Variants in ZBTB7C observed in about 807,000 individuals in gnomAD.
ZBTB7C encodes the protein zinc finger and BTB domain-containing protein 7C.
Under a neutral mutation model 25.7 loss-of-function variants are expected in ZBTB7C, and 8 were observed. The observed-to-expected ratio is 0.31, with a 90% confidence interval of 0.18 to 0.56. ZBTB7C has a LOEUF of 0.56. Among genes scored for constraint, ZBTB7C ranks in the 20% least tolerant of loss-of-function variants. The probability of loss-of-function intolerance (pLI) is 0.91; values close to 1 mark genes in which losing one functional copy is unlikely to be tolerated. For synonymous variants in ZBTB7C, 394 were observed against 369.0 expected, an observed-to-expected ratio of 1.07 and a Z score of -0.78; for missense variants, 824 against 855.2, an observed-to-expected ratio of 0.96 and a Z score of 0.46.
intron 2 of ZBTB7C, among the ~76,000 whole-genome samples, chr18:48,186,778 G>T (rs2145135775): frequency 6.6e-6 from 1 of 152,336 alleles, no homozygotes; most frequent in South Asian, 2.1e-4. Flanking sequence ...GAGTCAGGAA[G>T]TGGGGAGCTC....
chr18:48,081,305 A>G (rs1305863882), intron 3 of ZBTB7C, among the ~76,000 whole-genome samples: 1 of 152,162 alleles, frequency 6.6e-6, no homozygotes, highest in Admixed American at 6.5e-5. Context: ...CCTTGCACTC[A>G]GGTTTTCTGA....
intron 1 of ZBTB7C, among the ~76,000 whole-genome samples, chr18:48,372,461 G>C (rs2047410040): frequency 6.6e-6 from 1 of 152,170 alleles, no homozygotes; most frequent in African/African-American, 2.4e-5. Context: ...GGAGTTAAAA[G>C]CTGATGTGAC....
At chr18:48,372,539 T>G (rs77256596) in intron 1 of ZBTB7C, among the ~76,000 whole-genome samples, 1,579 of 152,290 alleles carry the variant, frequency 0.01, 8 homozygotes, top group Admixed American at 0.015. Context: ...GAAGTAAAAT[T>G]AAACCTTGAC....
At chr18:48,287,373 C>T (rs2045087671) in intron 2 of ZBTB7C, among the ~76,000 whole-genome samples, 1 of 152,072 alleles carries the variant, frequency 6.6e-6, no homozygotes, top group Non-Finnish European at 1.5e-5. Context: ...AACTCTAAGA[C>T]AAATAGAAAA....
chr18:48,182,384 C>T (rs930055897), intron 3 of ZBTB7C, among the ~76,000 whole-genome samples: 2 of 152,174 alleles, frequency 1.3e-5, no homozygotes, highest in African/African-American at 4.8e-5. Flanking sequence ...GGAAAATGTA[C>T]ACTGGCATTG....
rs369185798 is a variant in ZBTB7C, at chr18:48,078,767, C to T, written c.-16-37644G>A. On this transcript the variant is annotated intron_variant, in intron 3 of 4. Transcript: ENST00000590800. The stretch of plus-strand genomic sequence containing the variant: ...GTTCAAGTTAATGATGGACTTTGTC[C>T]TCTTGATCCACAGAGCCCATAAAAT... Among the ~76,000 whole-genome samples, 164 of 152,294 alleles carry T rather than the reference C, an allele frequency of 1.1e-3. 4 individuals carry two copies. In the South Asian group the frequency reaches 0.033, roughly 31 times the overall value.
chr18:48,296,176 C>T (rs1370975780), intron 2 of ZBTB7C, among the ~76,000 whole-genome samples: 1 of 152,202 alleles, frequency 6.6e-6, no homozygotes, highest in Non-Finnish European at 1.5e-5. Flanking sequence ...CTCTCACCAC[C>T]CCCCACCACC....
At position 48,123,841 on chromosome 18, in the gene ZBTB7C, G is replaced by T. The variant is rs1037677885; in HGVS notation, c.-17+62093C>A. On this transcript the variant is annotated intron_variant, in intron 3 of 4. Transcript: ENST00000590800. ...TGATCGTGTATATTTTTATTAATGA[G>T]ATTGTAAACATAAACATGTATATTA... Among the ~76,000 whole-genome samples the T allele has an allele frequency of 3.3e-5, 5 of 152,284 alleles. No homozygotes were observed. In the East Asian group the frequency reaches 5.8e-4, roughly 18 times the overall value.
chr18:48,269,727 A>T (rs1433492633), intron 2 of ZBTB7C, among the ~76,000 whole-genome samples: 1 of 152,066 alleles, frequency 6.6e-6, no homozygotes, highest in Non-Finnish European at 1.5e-5. Context: ...TTTTCAGGAG[A>T]CTCCTGGGAG....
chr18:48,281,043 G>A (rs903895249), intron 2 of ZBTB7C, among the ~76,000 whole-genome samples: 2 of 151,898 alleles, frequency 1.3e-5, no homozygotes, highest in African/African-American at 2.4e-5. Flanking sequence ...TAATAGAGAC[G>A]GGGTTTCGCC....
chr18:48,118,467 A>C (rs1465633717), intron 3 of ZBTB7C, among the ~76,000 whole-genome samples: 2 of 152,206 alleles, frequency 1.3e-5, no homozygotes, highest in Non-Finnish European at 2.9e-5. Context: ...CTTTTTGGCC[A>C]TATGTGTTAT....
chr18:48,197,720 G>A (rs867313321), intron 2 of ZBTB7C, among the ~76,000 whole-genome samples: 2 of 152,100 alleles, frequency 1.3e-5, no homozygotes, highest in Non-Finnish European at 2.9e-5. Flanking sequence ...ACTCTCTGGT[G>A]TCTCTTGTTA....
At chr18:48,126,383 T>C (rs2039799351) in intron 3 of ZBTB7C, among the ~76,000 whole-genome samples, 1 of 152,160 alleles carries the variant, frequency 6.6e-6, no homozygotes, top group South Asian at 2.1e-4. Flanking sequence ...ACCACTCTCC[T>C]CTGTCCTTAT....
At chr18:48,305,041 G>A (rs1281957395) in intron 2 of ZBTB7C, among the ~76,000 whole-genome samples, 1 of 152,086 alleles carries the variant, frequency 6.6e-6, no homozygotes, top group Non-Finnish European at 1.5e-5. Context: ...TTTTCTTCCT[G>A]AATTGCAAGA....
At chr18:48,316,040 T>TCCCACTCTCCCA (rs1568371218) in intron 2 of ZBTB7C, among the ~76,000 whole-genome samples, 2 of 152,022 alleles carry the variant, frequency 1.3e-5, no homozygotes, top group Non-Finnish European at 2.9e-5. Flanking sequence ...GCAACAGGCT[T>TCCCACTCTCCCA]CCCACTCTCC....
At chr18:48,097,007 C>T (rs2038658610) in intron 3 of ZBTB7C, among the ~76,000 whole-genome samples, 1 of 152,234 alleles carries the variant, frequency 6.6e-6, no homozygotes, top group African/African-American at 2.4e-5. Flanking sequence ...GGTATGGTCG[C>T]AGATACATGG....
intron 1 of ZBTB7C, among the ~76,000 whole-genome samples, chr18:48,406,689 C>T (rs575519549): frequency 6.6e-6 from 1 of 152,338 alleles, no homozygotes; most frequent in Admixed American, 6.5e-5. Flanking sequence ...GGCAACTCTG[C>T]ACTAGCCTTG....
intron 2 of ZBTB7C, among the ~76,000 whole-genome samples, chr18:48,209,620 G>A (rs1272153533): frequency 2.0e-5 from 3 of 152,094 alleles, no homozygotes; most frequent in Non-Finnish European, 4.4e-5. Flanking sequence ...ACCGGGCATG[G>A]TGGGTCACAT....
chr18:48,154,370 G>A (rs2040770246), intron 3 of ZBTB7C, among the ~76,000 whole-genome samples: 1 of 152,196 alleles, frequency 6.6e-6, no homozygotes, highest in African/African-American at 2.4e-5. Context: ...CACAGCCCTG[G>A]GACTGTTCTC....
Sources: gnomAD v4.1 joint callset for allele counts (sites outside exome capture counted in the v4.1 genomes callset) on GRCh38, gnomAD v4.1.1 for gene constraint, MANE v1.5 for transcripts, NCBI Gene and HGNC (gene_info 2026-07-23, HGNC 2026-07-21) for gene names.